Variants in DDX60 observed in about 807,000 individuals in gnomAD.
The protein encoded by DDX60 is DExD/H-box helicase 60, also known as probable ATP-dependent RNA helicase DDX60.
In DDX60, 165 loss-of-function variants were observed where a neutral mutation model predicts 212.8. That is an observed-to-expected ratio of 0.78 (90% CI 0.68 to 0.88). DDX60 has a LOEUF of 0.88. Ranked by LOEUF, DDX60 falls within the 40% of genes least tolerant of loss-of-function variation. The pLI, the probability that DDX60 is intolerant of heterozygous loss-of-function variation, is 0.00. For synonymous variants in DDX60, 703 were observed against 685.3 expected (o/e 1.03, Z -0.40); for missense variants, 1,905 against 2,003.9 (o/e 0.95, Z 0.94).
chr4:168,297,102 G>A (rs1451221178), intron 6 of DDX60, among the ~76,000 whole-genome samples: 1 of 151,418 alleles, frequency 6.6e-6, no homozygotes, highest in East Asian at 1.9e-4. Context: ...GTAGAGACGG[G>A]GTTTCACCAT....
Position 168,291,787 on chromosome 4 carries a change from A to C in DDX60, c.1002T>G (p.Thr334=). ...LSQRACARVI[T]SHWAEDMKPL... ...GCTTCATGTCCTCAGCCCAATGGGA[A>C]GTGATGACTCTAGCACAAGCTCTTT... is the stretch of plus-strand genomic sequence containing the variant. Residue 334 remains threonine (T), a synonymous_variant, in exon 8 of 38, where the codon ACT becomes ACG. Coordinates refer to ENST00000393743, the MANE Select transcript of DDX60 (RefSeq NM_017631.6). 1 of 1,611,392 alleles carries C rather than the reference A, an allele frequency of 6.2e-7. No individual in the cohort carries two copies. The highest frequency in any genetic ancestry group is 8.5e-7 in the Non-Finnish European group (1 of 1,178,940).
intron 14 of DDX60, among the ~76,000 whole-genome samples, chr4:168,279,692 C>T (rs1400919416): frequency 2.0e-5 from 3 of 152,042 alleles, no homozygotes; most frequent in African/African-American, 7.3e-5. Flanking sequence ...GAGAGATTTG[C>T]CAACGTGTTT....
At chr4:168,278,029 T>C (rs1384777773) in intron 14 of DDX60, among the ~76,000 whole-genome samples, 3 of 152,118 alleles carry the variant, frequency 2.0e-5, no homozygotes, top group Non-Finnish European at 2.9e-5. Flanking sequence ...ATTGACTGCA[T>C]TGATGCCTCA....
chr4:168,248,524 GC>G (rs1375604405), intron 28 of DDX60, among the ~76,000 whole-genome samples: 1 of 152,094 alleles, frequency 6.6e-6, no homozygotes, highest in East Asian at 1.9e-4. Context: ...CGTTTCTCTG[GC>G]TTCTTCAGCT....
chr4:168,278,541 C>T (rs886077258), intron 14 of DDX60, among the ~76,000 whole-genome samples: 36 of 152,180 alleles, frequency 2.4e-4, no homozygotes, highest in East Asian at 7.7e-4. Context: ...AATACTGAAG[C>T]GGGCCGGGCT....
At chr4:168,276,295 G>T in intron 14 of DDX60, 114 bp from the exon 15 acceptor site, 1 of 801,760 alleles carries the variant, frequency 1.2e-6, no homozygotes. Context: ...ATTAGTGGAG[G>T]TTTTGGAGTA....
At chr4:168,292,049 CTTT>C (rs772095573) in intron 7 of DDX60, 143 bp from the exon 8 acceptor site, 1,743 of 301,734 alleles carry the variant, frequency 5.8e-3, no homozygotes, top group East Asian at 9.7e-3. Context: ...TTCTTTCTTT[CTTT>C]TTTTTTTTTT....
At chr4:168,277,778 C>T (rs1005130222) in intron 14 of DDX60, among the ~76,000 whole-genome samples, 6 of 134,524 alleles carry the variant, frequency 4.5e-5, no homozygotes, top group South Asian at 2.3e-4. Context: ...CACTGCACTG[C>T]AGCCTGAGCG....
rs572261159 is a variant in DDX60, at chr4:168,305,344, T to C, written c.606+1035A>G. ...TTATTTTATGGCAACCATGTGGATA[T>C]TTCCAAATACATGAGGAGTATGACA... On this transcript the variant is annotated intron_variant, in intron 5 of 37. Transcript: ENST00000393743. Among the ~76,000 whole-genome samples the C allele has an allele frequency of 2.0e-5, 3 of 152,260 alleles. No individual in the cohort carries two copies. The South Asian group carries it at 6.2e-4, about 32-fold the overall frequency.
intron 37 of DDX60, among the ~76,000 whole-genome samples, 169 bp from the exon 38 acceptor site, chr4:168,217,201 T>C (rs932674489): frequency 2.7e-5 from 4 of 150,190 alleles, no homozygotes; most frequent in African/African-American, 5.1e-5. Flanking sequence ...AAATCTTGTA[T>C]AAAAAATTTA....
chr4:168,324,861 A>G, the DDX60 span, among the ~76,000 whole-genome samples: 1 of 152,214 alleles, frequency 6.6e-6, no homozygotes, highest in Non-Finnish European at 1.5e-5. Context: ...AGAAGGGTAG[A>G]AGCAGTTAAG....
In DDX60 at chr4:168,237,380, T is replaced by A; in HGVS notation, c.4317A>T (p.Val1439=). 4 of 1,598,636 alleles carry A rather than the reference T, an allele frequency of 2.5e-6. No homozygotes were observed. Among genetic ancestry groups the A allele is most frequent in the Non-Finnish European group, 3.4e-6 (4 of 1,173,050 alleles). ...AAGGTTCATGATAATGCAAATGTGA[T>A]ACAAGTCCAGCAAACCCCATAGGAT... ...EGNPMGFAGL[V]SHLHYHEPSN... The change falls in exon 32 of 38, where the codon GTA becomes GTT. Residue 1439 remains valine, a synonymous_variant. Coordinates refer to ENST00000393743, the MANE Select transcript of DDX60 (RefSeq NM_017631.6).
chr4:168,217,914 G>A (rs1045905830), intron 37 of DDX60, among the ~76,000 whole-genome samples: 1 of 152,144 alleles, frequency 6.6e-6, no homozygotes, highest in African/African-American at 2.4e-5. Flanking sequence ...CTGACCTCCA[G>A]AATTGTAAAA....
upstream of DDX60, among the ~76,000 whole-genome samples, chr4:168,320,712 G>A (rs565046747): frequency 1.5e-4 from 23 of 152,198 alleles, no homozygotes; most frequent in Non-Finnish European, 3.2e-4. Flanking sequence ...ACAAGAGGTA[G>A]AATTAATTCA....
chr4:168,239,890 CA>C (rs199943289), intron 30 of DDX60, among the ~76,000 whole-genome samples: 9,051 of 143,388 alleles, frequency 0.063, 448 homozygotes, highest in East Asian at 0.15. Flanking sequence ...CTATATGCAG[CA>C]AAAAAAAAAA....
intron 13 of DDX60, among the ~76,000 whole-genome samples, chr4:168,281,548 TA>T (rs1426390197): frequency 6.6e-6 from 1 of 152,220 alleles, no homozygotes; most frequent in Non-Finnish European, 1.5e-5. Flanking sequence ...GAGGAGTAGA[TA>T]AGAGGAACAA....
At chr4:168,262,370 A>C (rs17053882) in intron 23 of DDX60, among the ~76,000 whole-genome samples, 4,153 of 152,212 alleles carry the variant, frequency 0.027, 202 homozygotes, top group African/African-American at 0.094. Context: ...TTAGAAGGGA[A>C]GCAAGTGTAA....
chr4:168,299,856 T>C (rs1464145820), intron 6 of DDX60, among the ~76,000 whole-genome samples: 2 of 152,186 alleles, frequency 1.3e-5, no homozygotes, highest in Non-Finnish European at 2.9e-5. Context: ...AGGAGATTTC[T>C]ATCAAATCTT....
chr4:168,255,755 G>A lies in DDX60; in HGVS notation c.3513C>T (p.Asn1171=). 1 of 1,594,662 alleles carries A rather than the reference G, an allele frequency of 6.3e-7. No individual in the cohort carries two copies. Among genetic ancestry groups the A allele is most frequent in the East Asian group, 2.2e-5 (1 of 44,504 alleles). ...KADKEAHVMA[N]KLRKVKKSIE... is the part of the protein sequence containing the mutation. ...TGGATTTTTTAACTTTTCGAAGTTT[G>A]TTAGCCATGACATGGGCTTCTTTAT... Residue 1171 remains asparagine, a synonymous_variant, in exon 26 of 38, where the codon AAC becomes AAT. Coordinates refer to ENST00000393743, the MANE Select transcript of DDX60 (RefSeq NM_017631.6).
Sources: gnomAD v4.1 joint callset for allele counts (sites outside exome capture counted in the v4.1 genomes callset) on GRCh38, gnomAD v4.1.1 for gene constraint, MANE v1.5 for transcripts, NCBI Gene and HGNC (gene_info 2026-07-23, HGNC 2026-07-21) for gene names.